FAM107A: variants seen among roughly 807,000 people sequenced by gnomAD.
FAM107A encodes the protein family with sequence similarity 107 member A.
A neutral mutation model predicts 13.7 loss-of-function variants in FAM107A; 19 were observed. That is an observed-to-expected ratio of 1.38 (90% CI 0.97 to 2.03). The LOEUF (loss-of-function observed/expected upper bound fraction) is 2.03. FAM107A is among the 30% of genes most tolerant of loss of function. FAM107A has a pLI of 0.00. For synonymous variants in FAM107A, 82 were observed against 74.5 expected (o/e 1.10, Z -0.52); for missense variants, 203 against 184.4 (o/e 1.10, Z -0.58).
rs2063632796 is a variant in FAM107A, at chr3:58,567,318, G to A, written c.217C>T (p.His73Tyr). The A allele has an allele frequency of 5.0e-6, 8 of 1,612,542 alleles. No homozygotes were observed. Among genetic ancestry groups the A allele is most frequent in the South Asian group, 2.2e-5 (2 of 90,772 alleles). ...TTGATGAGCTGGTTCCGCCGGCGGT[G>A]CTCTAGGACACGCTGCAGCTCTGGC... Reference protein sequence around the residue: ...SKPELQRVLEHRRRNQLIKKK... With the variant: ...SKPELQRVLEYRRRNQLIKKK... Residue 73 changes from histidine (H) to tyrosine (Y), a missense_variant, in exon 3 of 4, where the codon CAC becomes TAC. Transcript: ENST00000360997.
At chr3:58,571,976 T>C (rs2063688438) in intron 1 of FAM107A, among the ~76,000 whole-genome samples, 1 of 152,142 alleles carries the variant, frequency 6.6e-6, no homozygotes, top group Admixed American at 6.5e-5. Context: ...TGGATAACTT[T>C]AGGAAAGGAG....
chr3:58,569,797 T>A lies in FAM107A; in HGVS notation c.64A>T (p.Arg22Ter). 6.2e-7 allele frequency: 1 copy of A among 1,614,130 alleles called. No individual in the cohort carries two copies. The highest frequency in any genetic ancestry group is 8.5e-7 in the Non-Finnish European group (1 of 1,180,018). ...TTGATGAGCTCCGGATTCCACTCTC[T>A]GTATTCTGGCCGGGCCATCAGGCCC... ...IGGLMARPEY[R>*]EWNPELIKPK... is the part of the protein sequence containing the mutation. Residue 22 changes from arginine to a stop codon, truncating the protein, a stop_gained, in exon 2 of 4, where the codon AGA becomes TGA. Transcript: ENST00000360997. LOFTEE classifies it high-confidence loss of function. The surrounding 1 kb of genome is among the most constrained non-coding windows in gnomAD (Gnocchi z 5.7).
chr3:58,621,175 A>G (rs925019019), intron 1 of FAM107A, among the ~76,000 whole-genome samples: 1 of 152,160 alleles, frequency 6.6e-6, no homozygotes. Flanking sequence ...GTAAAAGGGG[A>G]GCCCGGAACT....
chr3:58,577,708 G>A (rs2063742495), upstream of FAM107A: 1 of 985,246 alleles, frequency 1.0e-6, no homozygotes, highest in Non-Finnish European at 1.2e-6. This position sits in a 1 kb window ranked among gnomAD's most constrained non-coding sequence, Gnocchi z 4.9. Flanking sequence ...GGAGGGTCAG[G>A]CAAGAGTGGA....
chr3:58,627,226 G>C, intron 1 of FAM107A: 1 of 554,112 alleles, frequency 1.8e-6, no homozygotes, highest in Non-Finnish European at 3.2e-6. Flanking sequence ...AGTGTCCCCA[G>C]GCGGCTTCTA....
chr3:58,593,715 G>A (rs1473932532), intron 1 of FAM107A, among the ~76,000 whole-genome samples: 4 of 151,642 alleles, frequency 2.6e-5, no homozygotes, highest in East Asian at 3.9e-4. Flanking sequence ...CCTCCTTAGC[G>A]AACAATTGCT....
In FAM107A at chr3:58,569,642, C is replaced by T. The variant is rs1248255615; in HGVS notation, c.170+49G>A. The T allele has an allele frequency of 2.0e-6, 3 of 1,512,052 alleles. No homozygotes were observed. Among genetic ancestry groups the T allele is most frequent in the South Asian group, 2.5e-5 (2 of 81,412 alleles). The allele number at this position is 1,512,052 out of a possible 1,614,324, so 93.7% of individuals were successfully genotyped here. ...CTCCAGGGTCACCTTCCCCATCCCC[C>T]ACAGGCCCAGGTGCTTGCGGGGCCC... On this transcript the variant is annotated intron_variant, in intron 2 of 3. Transcript: ENST00000360997. The surrounding 1 kb of genome is among the most constrained non-coding windows in gnomAD (Gnocchi z 5.7).
chr3:58,618,080 A>C (rs1168477733), intron 1 of FAM107A, among the ~76,000 whole-genome samples: 1 of 152,136 alleles, frequency 6.6e-6, no homozygotes, highest in Non-Finnish European at 1.5e-5. Context: ...ATGGAAGTTC[A>C]ATTATTAGAA....
intron 2 of FAM107A, among the ~76,000 whole-genome samples, chr3:58,568,526 A>G (rs2063647630): frequency 6.6e-6 from 1 of 152,190 alleles, no homozygotes; most frequent in Non-Finnish European, 1.5e-5. Context: ...TTTATATTAC[A>G]AATACTTTCT....
intron 1 of FAM107A, among the ~76,000 whole-genome samples, chr3:58,584,879 G>A (rs1229375276): frequency 6.6e-6 from 1 of 152,122 alleles, no homozygotes; most frequent in Non-Finnish European, 1.5e-5. Context: ...CCCCATGCTC[G>A]GCCCCCCTCC....
chr3:58,582,727 C>T (rs1000670408), upstream of FAM107A, among the ~76,000 whole-genome samples: 65 of 152,328 alleles, frequency 4.3e-4, no homozygotes, highest in African/African-American at 1.3e-3. Flanking sequence ...CCCTTCACAC[C>T]GTGGCTGCCA....
chr3:58,577,867 A>G (rs2063743769), upstream of FAM107A: 1 of 258,926 alleles, frequency 3.9e-6, no homozygotes, highest in African/African-American at 2.3e-5. This position sits in a 1 kb window ranked among gnomAD's most constrained non-coding sequence, Gnocchi z 4.9. Context: ...TTATCCACGA[A>G]TGGGTCAGAA....
intron 1 of FAM107A, among the ~76,000 whole-genome samples, chr3:58,571,157 G>A (rs1319980707): frequency 1.3e-5 from 2 of 152,208 alleles, no homozygotes; most frequent in East Asian, 1.9e-4. Flanking sequence ...CGGGGTGCAC[G>A]TTGCAAGGTG....
chr3:58,583,278 A>G (rs1021147161), intron 1 of FAM107A, among the ~76,000 whole-genome samples: 1 of 152,186 alleles, frequency 6.6e-6, no homozygotes, highest in Non-Finnish European at 1.5e-5. Context: ...CCTCCTCTTT[A>G]GTCTCAATTT....
At chr3:58,614,904 C>G (rs1043442675) in intron 1 of FAM107A, among the ~76,000 whole-genome samples, 1 of 152,228 alleles carries the variant, frequency 6.6e-6, no homozygotes, top group Non-Finnish European at 1.5e-5. Context: ...CTCCCGGGTT[C>G]AAGTGATTCT....
chr3:58,612,700 G>A, intron 1 of FAM107A, among the ~76,000 whole-genome samples: 1 of 151,964 alleles, frequency 6.6e-6, no homozygotes. Flanking sequence ...TATTATTTGA[G>A]AAATAAAGAA....
intron 1 of FAM107A, chr3:58,570,539 A>G (rs1224581325): frequency 5.9e-6 from 1 of 168,966 alleles, no homozygotes; most frequent in Non-Finnish European, 1.2e-5. Context: ...TCCCTCTTCT[A>G]CAAACTGGCT....
Position 58,617,996 on chromosome 3 carries a change from C to T in FAM107A, c.-70+9420G>A, listed in dbSNP as rs2065919237. ...TGATCTTGAGACGTGAACTCAACCT[C>T]TTTGAGTCGAGCGTCTGCTTTGGTG... On this transcript the variant is annotated intron_variant, in intron 1 of 3. Coordinates refer to the FAM107A transcript ENST00000465970. The surrounding 1 kb of genome is among the most constrained non-coding windows in gnomAD (Gnocchi z 4.5). 2.6e-5 allele frequency among the ~76,000 whole-genome samples: 4 copies of T among 152,216 alleles called. No individual in the cohort carries two copies. The highest frequency in any genetic ancestry group is 2.6e-4 in the Admixed American group (4 of 15,286).
At chr3:58,586,466 T>C (rs531493358) in intron 1 of FAM107A, among the ~76,000 whole-genome samples, 7 of 152,218 alleles carry the variant, frequency 4.6e-5, no homozygotes, top group African/African-American at 1.7e-4. Flanking sequence ...ACGTGAGGAT[T>C]GTTTGAGCCC....
Sources: gnomAD v4.1 joint callset for allele counts (sites outside exome capture counted in the v4.1 genomes callset) on GRCh38, gnomAD v4.1.1 for gene constraint, Gnocchi (gnomAD v3.1) non-coding constraint, MANE v1.5 for transcripts, NCBI Gene and HGNC (gene_info 2026-07-23, HGNC 2026-07-21) for gene names.